Variants in ZRANB3 observed in about 807,000 individuals in gnomAD.
The protein encoded by ZRANB3 is zinc finger RANBP2-type containing 3.
Under a neutral mutation model 133.8 loss-of-function variants are expected in ZRANB3, and 125 were observed. The observed-to-expected ratio is 0.93, with a 90% confidence interval of 0.81 to 1.08. The LOEUF is 1.08. Among genes scored for constraint, ZRANB3 ranks in the 50% least tolerant of loss-of-function variants. The pLI is 0.00. For synonymous variants in ZRANB3, 387 were observed against 432.7 expected (o/e 0.89, Z 1.31); for missense variants, 1,229 against 1,275.5 (o/e 0.96, Z 0.56).
intron 8 of ZRANB3, among the ~76,000 whole-genome samples, chr2:135,280,154 C>T (rs1243521858): frequency 6.6e-6 from 1 of 152,170 alleles, no homozygotes; most frequent in African/African-American, 2.4e-5. Context: ...ACAGAAGTTG[C>T]AGAAAATGCA....
At chr2:135,448,150 C>T (rs563793332) in intron 2 of ZRANB3, among the ~76,000 whole-genome samples, 28 of 152,180 alleles carry the variant, frequency 1.8e-4, no homozygotes, top group African/African-American at 5.5e-4. Context: ...CCAGGTCTAT[C>T]GGGCTTAAGC....
intron 1 of ZRANB3, among the ~76,000 whole-genome samples, chr2:135,505,758 C>T (rs569402129): frequency 2.0e-5 from 3 of 152,240 alleles, no homozygotes; most frequent in Non-Finnish European, 2.9e-5. Context: ...GCAAGACCCA[C>T]GCACTCGTAG....
chr2:135,383,670 C>T (rs1255861629), intron 3 of ZRANB3, among the ~76,000 whole-genome samples: 3 of 152,128 alleles, frequency 2.0e-5, no homozygotes, highest in Non-Finnish European at 2.9e-5. Flanking sequence ...TGCAATCAAA[C>T]TAGAACTCAG....
intron 2 of ZRANB3, among the ~76,000 whole-genome samples, chr2:135,444,161 T>C (rs1176580426): frequency 6.6e-6 from 1 of 151,768 alleles, no homozygotes; most frequent in Non-Finnish European, 1.5e-5. Context: ...CCGTCATATG[T>C]TGCCATAGGG....
At chr2:135,349,321 T>C (rs1342542192) in intron 5 of ZRANB3, among the ~76,000 whole-genome samples, 1 of 152,214 alleles carries the variant, frequency 6.6e-6, no homozygotes, top group Non-Finnish European at 1.5e-5. Flanking sequence ...TGACAGCCCA[T>C]GTTTTTCTAA....
chr2:135,412,285 G>C (rs568205090), intron 2 of ZRANB3, among the ~76,000 whole-genome samples: 1 of 152,064 alleles, frequency 6.6e-6, no homozygotes, highest in Non-Finnish European at 1.5e-5. Context: ...AGACAAAATG[G>C]TGTCACGTTA....
At chr2:135,338,791 CAT>C (rs1230238560) in intron 6 of ZRANB3, among the ~76,000 whole-genome samples, 2 of 152,118 alleles carry the variant, frequency 1.3e-5, no homozygotes, top group Non-Finnish European at 2.9e-5. Flanking sequence ...CATACATGTG[CAT>C]ATGTGTGTAT....
chr2:135,231,222 G>A (rs1694998034), intron 12 of ZRANB3, among the ~76,000 whole-genome samples: 1 of 152,052 alleles, frequency 6.6e-6, no homozygotes, highest in Admixed American at 6.5e-5. Flanking sequence ...GTCAATACTA[G>A]TATTATTATA....
intron 2 of ZRANB3, among the ~76,000 whole-genome samples, chr2:135,420,271 T>A (rs1688784982): frequency 6.6e-6 from 1 of 151,374 alleles, no homozygotes; most frequent in Non-Finnish European, 1.5e-5. Context: ...TACATGTGGA[T>A]TTATCATCAA....
At chr2:135,518,422 C>T (rs146152040) in intron 1 of ZRANB3, among the ~76,000 whole-genome samples, 80 of 152,238 alleles carry the variant, frequency 5.3e-4, no homozygotes, top group East Asian at 2.1e-3. Context: ...CTGTGGGTTA[C>T]GAAGCCCATG....
chr2:135,464,080 G>A (rs1387357113), intron 2 of ZRANB3, among the ~76,000 whole-genome samples: 1 of 152,178 alleles, frequency 6.6e-6, no homozygotes, highest in Non-Finnish European at 1.5e-5. Context: ...CAAGGATCAA[G>A]GATGTGCTAT....
In ZRANB3 at chr2:135,353,390, T is replaced by G. The variant is rs1047978002; in HGVS notation, c.359+60A>C. 6 of 1,225,496 alleles carry G rather than the reference T, an allele frequency of 4.9e-6. No individual in the cohort carries two copies. The African/African-American group carries it at 7.7e-5, about 16-fold the overall frequency. The allele number at this position is 1,225,496 out of a possible 1,614,324, so 75.9% of individuals were successfully genotyped here. ...GTGATATTGCATTCTAAAACATGAA[T>G]ATATACCAGGTACACACAAGGAAGA... On this transcript the variant is annotated intron_variant, in intron 4 of 20. Coordinates refer to ENST00000264159, the MANE Select transcript of ZRANB3 (RefSeq NM_032143.4).
intron 1 of ZRANB3, among the ~76,000 whole-genome samples, chr2:135,507,835 GTCCCAACT>G (rs1288170285): frequency 1.3e-5 from 2 of 152,030 alleles, no homozygotes; most frequent in Non-Finnish European, 2.9e-5. Context: ...CATGCCTGTA[GTCCCAACT>G]ACTTGGGAGG....
At chr2:135,464,348 G>C (rs551494215) in intron 2 of ZRANB3, among the ~76,000 whole-genome samples, 2 of 152,240 alleles carry the variant, frequency 1.3e-5, no homozygotes, top group South Asian at 4.1e-4. Context: ...TGGTAGTGGT[G>C]GCAGGTGAAG....
intron 3 of ZRANB3, among the ~76,000 whole-genome samples, chr2:135,372,184 A>G (rs557773803): frequency 4.7e-5 from 7 of 149,498 alleles, no homozygotes; most frequent in Non-Finnish European, 8.9e-5. Flanking sequence ...AAAAAAAAAG[A>G]GACACAGAGA....
At chr2:135,286,478 A>G (rs925464827) in intron 8 of ZRANB3, among the ~76,000 whole-genome samples, 2 of 152,128 alleles carry the variant, frequency 1.3e-5, no homozygotes, top group Non-Finnish European at 2.9e-5. Context: ...GGGTTTCACC[A>G]TGTTGGCCAG....
rs1477671048 is a variant in ZRANB3 at position 135,427,872 on chromosome 2, A to C, written c.162-37052T>G. 3.3e-5 allele frequency among the ~76,000 whole-genome samples: 5 copies of C among 152,200 alleles called. No individual in the cohort carries two copies. The East Asian group carries it at 9.6e-4, about 29-fold the overall frequency. Reference sequence around the variant, plus strand: ...ACAGACACATAGACCAATGGAACAGAATAGAAAGTCCAGAAATAAGGCCTC... The same window carrying C: ...ACAGACACATAGACCAATGGAACAGCATAGAAAGTCCAGAAATAAGGCCTC... On this transcript the variant is annotated intron_variant, in intron 2 of 20. Coordinates refer to ENST00000264159, the MANE Select transcript of ZRANB3 (RefSeq NM_032143.4).
intron 2 of ZRANB3, among the ~76,000 whole-genome samples, chr2:135,450,662 T>C (rs1479481367): frequency 6.6e-6 from 1 of 151,904 alleles, no homozygotes; most frequent in African/African-American, 2.4e-5. Flanking sequence ...AAATAAACAA[T>C]GGGTTTTAAG....
intron 2 of ZRANB3, among the ~76,000 whole-genome samples, chr2:135,420,107 AT>A (rs1688773432): frequency 1.4e-5 from 2 of 142,992 alleles, no homozygotes; most frequent in Admixed American, 7.1e-5. Context: ...ATATATATAT[AT>A]ATATATATAT....
Sources: allele counts gnomAD v4.1 joint callset (sites outside exome capture counted in the v4.1 genomes callset), GRCh38; gene constraint gnomAD v4.1.1; transcripts MANE v1.5; gene names NCBI Gene and HGNC (gene_info 2026-07-23, HGNC 2026-07-21).